The following ABCC11 variants were observed in gnomAD, a reference collection of about 807,000 sequenced individuals.
ABCC11 encodes ATP-binding cassette sub-family C member 11.
ABCC11 carries 135 observed loss-of-function variants against 149.3 expected under a neutral mutation model. That is an observed-to-expected ratio of 0.90 (90% CI 0.79 to 1.04). The LOEUF is 1.04. Ranked by LOEUF, ABCC11 falls within the 50% of genes least tolerant of loss-of-function variation. The pLI, the probability that ABCC11 is intolerant of heterozygous loss-of-function variation, is 0.00. For synonymous variants in ABCC11, 665 were observed against 671.4 expected (o/e 0.99, Z 0.15); for missense variants, 1,680 against 1,722.1 (o/e 0.98, Z 0.43).
At chr16:48,244,516 G>A in intron 1 of ABCC11, 1 of 1,589,806 alleles carries the variant, frequency 6.3e-7, no homozygotes, top group Non-Finnish European at 8.5e-7. Flanking sequence ...CAGCTGGTGC[G>A]GAGCCGCCTT....
intron 14 of ABCC11, 27 bp downstream of exon 14, chr16:48,203,201 G>A (rs1162728838): frequency 6.5e-7 from 1 of 1,546,534 alleles, no homozygotes. Flanking sequence ...ACATTACACA[G>A]AGAAGGCAGG....
rs1361134474 is a variant in ABCC11 at position 48,213,439 on chromosome 16, C to G, written c.1356+4G>C. 6.2e-7 allele frequency: 1 copy of G among 1,609,764 alleles called. No homozygotes were observed. Among genetic ancestry groups the G allele is most frequent in the Admixed American group, 1.7e-5 (1 of 59,614 alleles). ...GGCCTACAGCCAGTCCCCTGATGAC[C>G]TACCTTGAACCTCATCACTGCAGAC... On this transcript the variant is annotated splice_donor_region_variant and intron_variant, in intron 10 of 29. Coordinates refer to ENST00000356608, the MANE Select transcript of ABCC11 (RefSeq NM_001370497.1).
In ABCC11 at chr16:48,184,473, G is replaced by C. The variant is rs752589051; in HGVS notation, c.3225C>G (p.Ser1075=). The C allele has an allele frequency of 6.2e-7, 1 of 1,614,200 alleles. No individual in the cohort carries two copies. Among genetic ancestry groups the C allele is most frequent in the East Asian group, 2.2e-5 (1 of 44,888 alleles). The change falls in exon 23 of 30, where the codon TCC becomes TCG. Residue 1075 remains serine (S), a synonymous_variant. Coordinates refer to ENST00000356608, the MANE Select transcript of ABCC11 (RefSeq NM_001370497.1). ...VAFGISSTPY[S]FKVMAVNIVL... ...CGATGTTGACAGCCATGACTTTAAA[G>C]GAGTAGGGGGTGGAGGAAATGCCAA...
intron 26 of ABCC11, among the ~76,000 whole-genome samples, chr16:48,174,522 T>C (rs754526810): frequency 2.6e-5 from 4 of 152,248 alleles, no homozygotes; most frequent in Non-Finnish European, 5.9e-5. Flanking sequence ...GATAAAGCTT[T>C]GTCCCTGAGT....
At chr16:48,204,719 C>G (rs886084659) in intron 13 of ABCC11, among the ~76,000 whole-genome samples, 1 of 152,162 alleles carries the variant, frequency 6.6e-6, no homozygotes, top group African/African-American at 2.4e-5. Context: ...GGGCAGATTG[C>G]AAAACCAAGC....
chr16:48,177,818 C>G (rs1460804244), intron 24 of ABCC11, among the ~76,000 whole-genome samples: 1 of 152,212 alleles, frequency 6.6e-6, no homozygotes, highest in African/African-American at 2.4e-5. Context: ...TCCACTCATG[C>G]AAGGGGGCAG....
chr16:48,207,673 A>G (rs918397033), intron 12 of ABCC11, among the ~76,000 whole-genome samples: 1 of 151,980 alleles, frequency 6.6e-6, no homozygotes, highest in Non-Finnish European at 1.5e-5. Context: ...AAAGAAAGGA[A>G]GGAAGGGAAG....
intron 19 of ABCC11, 53 bp from the exon 20 acceptor site, chr16:48,192,770 G>A (rs761211015): frequency 3.8e-6 from 6 of 1,574,756 alleles, no homozygotes; most frequent in Non-Finnish European, 5.2e-6. Flanking sequence ...AAATTCAGTG[G>A]CAGGGAAAGC....
At chr16:48,216,055 T>G in intron 7 of ABCC11, 59 bp downstream of exon 7, 1 of 1,542,040 alleles carries the variant, frequency 6.5e-7, no homozygotes, top group Non-Finnish European at 8.9e-7. Context: ...TATCCCAGAT[T>G]CCAGAGCCCT....
At chr16:48,213,009 C>T (rs1357178500) in intron 10 of ABCC11, among the ~76,000 whole-genome samples, 2 of 152,210 alleles carry the variant, frequency 1.3e-5, no homozygotes, top group African/African-American at 2.4e-5. Context: ...TGCCTCAACT[C>T]CAGCGGCTTG....
chr16:48,210,843 G>A (rs1968857378), intron 11 of ABCC11, 105 bp downstream of exon 11: 2 of 1,449,300 alleles, frequency 1.4e-6, no homozygotes, highest in Non-Finnish European at 9.3e-7. Context: ...ATCTTGGAGA[G>A]GGCAGTTTTT....
At chr16:48,196,104 T>C in intron 18 of ABCC11, 128 bp downstream of exon 18, 1 of 887,900 alleles carries the variant, frequency 1.1e-6, no homozygotes, top group Admixed American at 2.6e-5. Context: ...TTTTGCAAGT[T>C]AGGCCAATAA....
chr16:48,219,552 C>T (rs1018423404), intron 6 of ABCC11, among the ~76,000 whole-genome samples: 1 of 152,058 alleles, frequency 6.6e-6, no homozygotes, highest in Admixed American at 6.6e-5. Flanking sequence ...GAAACTAGGC[C>T]TAAGGCAACT....
Position 48,175,411 on chromosome 16 carries a change from G to T in ABCC11, c.3545C>A (p.Ser1182Tyr). The T allele has an allele frequency of 6.2e-7, 1 of 1,607,618 alleles. No homozygotes were observed. Among genetic ancestry groups the T allele is most frequent in the Non-Finnish European group, 8.5e-7 (1 of 1,174,682 alleles). ...GCGGAAGAGAGCCATGCCCAAGGAG[G>T]ACTTCCCTGTGGGGCAAGAAACAAG... The part of the protein sequence containing the change: ...GIVGRTGSGK[S>Y]SLGMALFRLV... The change falls in exon 26 of 30, where the codon TCC becomes TAC. Residue 1182 changes from serine to tyrosine, a missense_variant. Transcript: ENST00000356608.
Position 48,208,436 on chromosome 16 carries a change from T to C in ABCC11, c.1669A>G (p.Ile557Val), listed in dbSNP as rs1968629492. 6.2e-7 allele frequency: 1 copy of C among 1,614,166 alleles called. No individual in the cohort carries two copies. The highest frequency in any genetic ancestry group is 1.1e-5 in the South Asian group (1 of 91,086). Residue 557 changes from isoleucine to valine, a missense_variant, in exon 12 of 30, where the codon ATC becomes GTC. By Grantham distance (29) the Ile-to-Val change is conservative. Coordinates refer to ENST00000356608, the MANE Select transcript of ABCC11 (RefSeq NM_001370497.1). ...GSGKSSLLSA[I>V]LEEMHLLEGS... ...CACAGATCACTTACCTCCTCCAGGA[T>C]GGCTGACAACAGGCTGCTCTTACCA...
intron 5 of ABCC11, 46 bp from the exon 6 acceptor site, chr16:48,222,877 C>A: frequency 6.7e-7 from 1 of 1,501,208 alleles, no homozygotes; most frequent in Non-Finnish European, 9.2e-7. Context: ...CCCTGCCAGA[C>A]ACGTTTGATG....
chr16:48,212,261 G>A (rs890033767), intron 10 of ABCC11, among the ~76,000 whole-genome samples: 4 of 152,034 alleles, frequency 2.6e-5, no homozygotes, highest in African/African-American at 7.2e-5. Flanking sequence ...AGTCATCTTC[G>A]CAGGGGCCTT....
intron 15 of ABCC11, among the ~76,000 whole-genome samples, chr16:48,199,287 G>T (rs983374496): frequency 1.8e-4 from 28 of 152,038 alleles, no homozygotes; most frequent in Admixed American, 7.2e-4. Context: ...AGGGAGAACT[G>T]GAACAGAATT....
intron 6 of ABCC11, among the ~76,000 whole-genome samples, chr16:48,219,497 C>T (rs994180832): frequency 1.3e-5 from 2 of 152,024 alleles, no homozygotes; most frequent in Non-Finnish European, 2.9e-5. Flanking sequence ...GTCTGAAGTA[C>T]AAAAACCAAG....
Sources: gnomAD v4.1 joint callset for allele counts (sites outside exome capture counted in the v4.1 genomes callset) on GRCh38, gnomAD v4.1.1 for gene constraint, MANE v1.5 for transcripts, NCBI Gene and HGNC (gene_info 2026-07-23, HGNC 2026-07-21) for gene names.